KALRN: variants seen among roughly 807,000 people sequenced by gnomAD.
KALRN encodes kalirin RhoGEF kinase.
A neutral mutation model predicts 353.7 loss-of-function variants in KALRN; 70 were observed. The observed-to-expected ratio is 0.20, with a 90% CI of 0.16 to 0.24. KALRN has a LOEUF of 0.24. Ranked by LOEUF, KALRN falls within the 10% of genes least tolerant of loss-of-function variation. The probability of loss-of-function intolerance (pLI) is 1.00; values close to 1 mark genes in which losing one functional copy is unlikely to be tolerated. For missense variants in KALRN, 2,791 were observed against 3,756.7 expected (o/e 0.74, Z 6.72); for synonymous variants, 1,391 against 1,434.8 (o/e 0.97, Z 0.69).
intron 1 of KALRN, among the ~76,000 whole-genome samples, chr3:124,148,984 T>C (rs185053810): frequency 6.6e-6 from 1 of 152,334 alleles, no homozygotes; most frequent in East Asian, 1.9e-4. Context: ...ATTATTATTA[T>C]GTTAATTTTC....
chr3:124,255,041 G>A (rs1011267685), intron 3 of KALRN, among the ~76,000 whole-genome samples: 1 of 152,126 alleles, frequency 6.6e-6, no homozygotes. Flanking sequence ...CGCCTCCCGG[G>A]TTCAAGCAAT....
At position 124,446,637 on chromosome 3, in the gene KALRN, C is replaced by CAATCA. The variant is rs535433212; in HGVS notation, c.3430-122_3430-118dup. 159 of 1,188,796 alleles carry CAATCA rather than the reference C, an allele frequency of 1.3e-4. No individual in the cohort carries two copies. In the South Asian group the frequency reaches 2.2e-3, roughly 16 times the overall value. 73.6% of individuals were successfully genotyped at this position (1,188,796 alleles called of 1,614,324 possible). A position where few individuals can be genotyped will look rare whatever the true frequency, so the allele number is the denominator to read the frequency against. ...AAAAAAAAACTCCAGAGCTACATAC[C>CAATCA]AATCAAATTGTCAGTGTTTCCTGGG... On this transcript the variant is annotated intron_variant, in intron 20 of 59. Transcript: ENST00000682506.
At chr3:124,183,803 G>A (rs2073905025) in intron 1 of KALRN, among the ~76,000 whole-genome samples, 1 of 152,132 alleles carries the variant, frequency 6.6e-6, no homozygotes, top group Admixed American at 6.6e-5. Context: ...AGTACCGAGG[G>A]CATTTTTGTT....
intron 34 of KALRN, among the ~76,000 whole-genome samples, chr3:124,607,498 A>T (rs957000798): frequency 2.0e-5 from 3 of 152,210 alleles, no homozygotes; most frequent in African/African-American, 7.2e-5. Context: ...AAAGTATTTT[A>T]TGAAATTTCA....
At chr3:124,289,210 AT>A (rs2076213953) in intron 5 of KALRN, among the ~76,000 whole-genome samples, 1 of 152,126 alleles carries the variant, frequency 6.6e-6, no homozygotes. Flanking sequence ...ACCTCATCTA[AT>A]CCTAATTACC....
chr3:124,171,174 A>T (rs2071766530), intron 1 of KALRN, among the ~76,000 whole-genome samples: 1 of 152,084 alleles, frequency 6.6e-6, no homozygotes, highest in Non-Finnish European at 1.5e-5. Context: ...AATGCTATGT[A>T]AGGATTTGGG....
intron 17 of KALRN, among the ~76,000 whole-genome samples, chr3:124,435,030 A>C (rs2093414123): frequency 6.6e-6 from 1 of 152,174 alleles, no homozygotes; most frequent in East Asian, 1.9e-4. Flanking sequence ...TTTATAGTTA[A>C]AGGCAGGAAT....
At chr3:124,101,841 A>C (rs1157711016) in intron 1 of KALRN, among the ~76,000 whole-genome samples, 2 of 151,918 alleles carry the variant, frequency 1.3e-5, no homozygotes, top group Non-Finnish European at 2.9e-5. Context: ...TCTGCTTGTA[A>C]CTGGTCCCTA....
intron 1 of KALRN, among the ~76,000 whole-genome samples, chr3:124,180,651 C>T (rs2073441134): frequency 6.6e-6 from 1 of 152,148 alleles, no homozygotes; most frequent in African/African-American, 2.4e-5. Flanking sequence ...CATGAGGATT[C>T]ACTACAGCAA....
At chr3:124,451,586 T>C (rs2058787059) in intron 21 of KALRN, among the ~76,000 whole-genome samples, 1 of 152,170 alleles carries the variant, frequency 6.6e-6, no homozygotes, top group African/African-American at 2.4e-5. Context: ...GAGGAAAGAT[T>C]TGAGTTTCAA....
intron 58 of KALRN, among the ~76,000 whole-genome samples, chr3:124,716,344 C>A (rs1444033073): frequency 6.6e-6 from 1 of 152,098 alleles, no homozygotes; most frequent in Non-Finnish European, 1.5e-5. Context: ...GCCAACATGG[C>A]AAAACTCTGT....
intron 37 of KALRN, among the ~76,000 whole-genome samples, chr3:124,646,404 T>TTTTTTTTTTTTTTTTTTTTTTTTTG: frequency 6.8e-6 from 1 of 148,076 alleles, no homozygotes. Flanking sequence ...TTTTTTTTTT[T>TTTTTTTTTTTTTTTTTTTTTTTTTG]TTTTGAGACA....
chr3:124,047,133 G>A (rs1056074030), intron 1 of KALRN, among the ~76,000 whole-genome samples: 4 of 152,040 alleles, frequency 2.6e-5, no homozygotes, highest in Non-Finnish European at 4.4e-5. Context: ...ATTCACAGGC[G>A]CTGGAAAAAT....
At chr3:124,224,595 A>T (rs1438280758) in intron 1 of KALRN, among the ~76,000 whole-genome samples, 1 of 152,168 alleles carries the variant, frequency 6.6e-6, no homozygotes, top group Non-Finnish European at 1.5e-5. Flanking sequence ...GCCTCATTGA[A>T]GTTCTTCCAT....
At chr3:124,367,473 A>C (rs1316200863) in intron 10 of KALRN, among the ~76,000 whole-genome samples, 3 of 60,404 alleles carry the variant, frequency 5.0e-5, no homozygotes, top group African/African-American at 8.4e-5. Context: ...TGACCCCCCC[A>C]CCTCCCTCCC....
At chr3:124,609,647 C>T (rs333332) in intron 34 of KALRN, among the ~76,000 whole-genome samples, 64,564 of 152,160 alleles carry the variant, frequency 0.42, 14,905 homozygotes, top group East Asian at 0.63. Flanking sequence ...CGGCAGATGA[C>T]TCAAGGCATT....
intron 1 of KALRN, among the ~76,000 whole-genome samples, chr3:124,195,750 G>A (rs951529945): frequency 2.0e-5 from 3 of 152,124 alleles, no homozygotes; most frequent in Non-Finnish European, 4.4e-5. Flanking sequence ...CTGAACATGG[G>A]GTGCTTTGTC....
At chr3:124,289,024 G>C (rs1434534510) in intron 5 of KALRN, among the ~76,000 whole-genome samples, 2 of 152,208 alleles carry the variant, frequency 1.3e-5, no homozygotes, top group Non-Finnish European at 2.9e-5. Context: ...TTTAGCTCAT[G>C]GTTCTGGAGG....
At chr3:124,435,477 T>C (rs2093429247) in intron 17 of KALRN, among the ~76,000 whole-genome samples, 2 of 152,220 alleles carry the variant, frequency 1.3e-5, no homozygotes, top group South Asian at 4.1e-4. Context: ...AGGGAATTCT[T>C]TTTATGAAAC....
Sources: allele counts gnomAD v4.1 joint callset (sites outside exome capture counted in the v4.1 genomes callset), GRCh38; gene constraint gnomAD v4.1.1; transcripts MANE v1.5; gene names NCBI Gene and HGNC (gene_info 2026-07-23, HGNC 2026-07-21).